The following LRP2 variants were observed in gnomAD, a reference collection of about 807,000 sequenced individuals.
The protein encoded by LRP2 is low-density lipoprotein receptor-related protein 2.
Under a neutral mutation model 531.0 loss-of-function variants are expected in LRP2, and 172 were observed. The observed-to-expected ratio is 0.32, with a 90% CI of 0.29 to 0.37. The LOEUF (loss-of-function observed/expected upper bound fraction) is 0.37, where lower values mean the gene tolerates loss of function less well. Among genes scored for constraint, LRP2 ranks in the 10% least tolerant of loss-of-function variants. LRP2 has a pLI of 1.00. For missense variants in LRP2, 5,167 were observed against 5,868.3 expected, an observed-to-expected ratio of 0.88 and a Z score of 3.90; for synonymous variants, 1,992 against 2,027.6, an observed-to-expected ratio of 0.98 and a Z score of 0.47.
chr2:169,266,095 AATATTT>A (rs1323984914), intron 16 of LRP2, among the ~76,000 whole-genome samples: 1 of 152,042 alleles, frequency 6.6e-6, no homozygotes, highest in African/African-American at 2.4e-5. Flanking sequence ...AGCAGTGAAC[AATATTT>A]ATATTTATAT....
At chr2:169,338,291 AAAGG>A (rs60697057) in intron 1 of LRP2, among the ~76,000 whole-genome samples, 2 of 143,984 alleles carry the variant, frequency 1.4e-5, no homozygotes, top group South Asian at 2.2e-4. Context: ...AAGAAAGAAA[AAAGG>A]AAGGAAGAAA....
chr2:169,312,643 C>T (rs946875594), intron 3 of LRP2, among the ~76,000 whole-genome samples: 75 of 152,160 alleles, frequency 4.9e-4, no homozygotes, highest in African/African-American at 1.7e-3. Flanking sequence ...ACATTTTTTC[C>T]TTCATTTAAA....
At chr2:169,201,241 A>T (rs919266334) in intron 44 of LRP2, among the ~76,000 whole-genome samples, 4 of 151,414 alleles carry the variant, frequency 2.6e-5, no homozygotes, top group Non-Finnish European at 5.9e-5. Flanking sequence ...TGTAGATCTC[A>T]TCTGAACCCT....
At position 169,272,805 on chromosome 2, in the gene LRP2, T is replaced by C. The variant is rs1425300615; in HGVS notation, c.2116+122A>G. The C allele has an allele frequency of 7.9e-6, 10 of 1,273,780 alleles. No homozygotes were observed. The South Asian group carries it at 8.4e-5, about 11-fold the overall frequency. 78.9% of individuals were successfully genotyped at this position (1,273,780 alleles called of 1,614,324 possible). ...GCCCTGTGGGCTACAGAAAGCTTATTTGCAGTCAAGAAGTTAGACAGGGAG... is the reference window on the plus strand; with the variant it reads ...GCCCTGTGGGCTACAGAAAGCTTATCTGCAGTCAAGAAGTTAGACAGGGAG... On this transcript the variant is annotated intron_variant, in intron 15 of 78. Coordinates refer to ENST00000649046, the MANE Select transcript of LRP2 (RefSeq NM_004525.3).
chr2:169,354,183 C>T (rs567153872), intron 1 of LRP2, among the ~76,000 whole-genome samples: 1 of 152,298 alleles, frequency 6.6e-6, no homozygotes, highest in African/African-American at 2.4e-5. Context: ...AGAAGTGTAG[C>T]TACTTTCCTT....
chr2:169,255,531 A>C (rs2105404578), intron 19 of LRP2, among the ~76,000 whole-genome samples: 1 of 152,278 alleles, frequency 6.6e-6, no homozygotes, highest in East Asian at 1.9e-4. Flanking sequence ...TGACGAAAAA[A>C]AATTATGTCT....
intron 38 of LRP2, 87 bp from the exon 39 acceptor site, chr2:169,207,337 T>A: frequency 1.1e-6 from 1 of 927,250 alleles, no homozygotes; most frequent in South Asian, 1.4e-5. Flanking sequence ...ACAAAATATA[T>A]AAGGTTGAAG....
intron 66 of LRP2, 118 bp from the exon 67 acceptor site, chr2:169,153,082 G>A: frequency 2.2e-6 from 2 of 891,600 alleles, no homozygotes; most frequent in Non-Finnish European, 3.8e-6. Flanking sequence ...CCTCCTCACT[G>A]TTGTTATAAT....
At chr2:169,201,546 CT>C (rs995106372) in intron 44 of LRP2, 81 bp downstream of exon 44, 52 of 1,575,784 alleles carry the variant, frequency 3.3e-5, no homozygotes, top group African/African-American at 1.1e-4. Flanking sequence ...TTTGGAAAGC[CT>C]TTTTTTTATA....
At chr2:169,231,978 CTTTTGTTTTG>C in intron 30 of LRP2, 136 bp from the exon 31 acceptor site, 2 of 1,084,028 alleles carry the variant, frequency 1.8e-6, no homozygotes, top group South Asian at 2.8e-5. Flanking sequence ...CTGTTGTTTT[CTTTTGTTTTG>C]TTTTCACTGA....
intron 44 of LRP2, among the ~76,000 whole-genome samples, 199 bp downstream of exon 44, chr2:169,201,429 T>A (rs1180814232): frequency 6.6e-6 from 1 of 152,154 alleles, no homozygotes; most frequent in African/African-American, 2.4e-5. Context: ...CACTTTAAAA[T>A]ACTAGAAAAA....
chr2:169,328,308 G>C (rs1260056851), intron 1 of LRP2, among the ~76,000 whole-genome samples: 1 of 129,966 alleles, frequency 7.7e-6, no homozygotes, highest in Non-Finnish European at 1.7e-5. Context: ...CCCCCCGCCC[G>C]GCCAGACGCC....
chr2:169,353,540 C>T (rs890112465), intron 1 of LRP2, among the ~76,000 whole-genome samples: 2 of 152,162 alleles, frequency 1.3e-5, no homozygotes, highest in African/African-American at 4.8e-5. Context: ...AAAAAGTATT[C>T]TCCACACCCT....
chr2:169,160,135 C>T (rs1429422233), intron 63 of LRP2, among the ~76,000 whole-genome samples: 1 of 152,152 alleles, frequency 6.6e-6, no homozygotes, highest in African/African-American at 2.4e-5. Flanking sequence ...AACAGCAAGT[C>T]AATCTATCTT....
At chr2:169,353,825 T>C (rs1025052308) in intron 1 of LRP2, among the ~76,000 whole-genome samples, 4 of 152,148 alleles carry the variant, frequency 2.6e-5, no homozygotes, top group African/African-American at 9.7e-5. Flanking sequence ...ACCTCATCTC[T>C]ACAAAAAATA....
intron 1 of LRP2, among the ~76,000 whole-genome samples, chr2:169,327,640 C>T (rs1184306254): frequency 9.9e-5 from 7 of 70,402 alleles, no homozygotes; most frequent in East Asian, 5.0e-4. Flanking sequence ...GGGCCAGCCA[C>T]CCCGTCCGGG....
At chr2:169,150,370 C>T (rs1198449170) in intron 68 of LRP2, among the ~76,000 whole-genome samples, 1 of 152,044 alleles carries the variant, frequency 6.6e-6, no homozygotes, top group African/African-American at 2.4e-5. Flanking sequence ...AGAAAAATAA[C>T]AAAACTTGTT....
In LRP2 at chr2:169,216,378, C is replaced by A. The variant is rs533012078; in HGVS notation, c.5701G>T (p.Ala1901Ser). 1.2e-6 allele frequency: 2 copies of A among 1,613,610 alleles called. No homozygotes were observed. Among genetic ancestry groups the A allele is most frequent in the East Asian group, 2.2e-5 (1 of 44,866 alleles). ...GATGTGCCATCCATGTTAGCACTGG[C>A]GATCTTGGCAGGAACCCCACTGTCA... is the stretch of plus-strand genomic sequence containing the variant. Reference protein sequence around the residue: ...GTDSGVPAKIASANMDGTSVK... With the variant: ...GTDSGVPAKISSANMDGTSVK... The change falls in exon 35 of 79, where the codon GCC (alanine) becomes TCC (serine). Residue 1901 changes from alanine to serine, a missense_variant. Transcript: ENST00000649046.
chr2:169,277,858 T>C lies in LRP2; in HGVS notation c.1659A>G (p.Lys553=). Residue 553 remains lysine (K), a synonymous_variant, in exon 13 of 79, where the codon AAA becomes AAG. Transcript: ENST00000649046. ...MDGSNRKDLV[K]TKLGWPAGVT... ...CCCCAGCAGGCCATCCCAGCTTTGT[T>C]TTCACCAAGTCTTTACGGTTGCTGC... 2 of 1,614,164 alleles carry C rather than the reference T, an allele frequency of 1.2e-6. No homozygotes were observed. The highest frequency in any genetic ancestry group is 1.7e-6 in the Non-Finnish European group (2 of 1,180,024).
Sources: gnomAD v4.1 joint callset for allele counts (sites outside exome capture counted in the v4.1 genomes callset) on GRCh38, gnomAD v4.1.1 for gene constraint, MANE v1.5 for transcripts, NCBI Gene and HGNC (gene_info 2026-07-23, HGNC 2026-07-21) for gene names.